The following BRCA1 variants were observed in gnomAD, a reference collection of about 807,000 sequenced individuals.
The protein encoded by BRCA1 is breast cancer type 1 susceptibility protein.
A neutral mutation model predicts 173.7 loss-of-function variants in BRCA1; 140 were observed. The observed-to-expected ratio is 0.81, with a 90% confidence interval of 0.70 to 0.93. The LOEUF (loss-of-function observed/expected upper bound fraction) is 0.93. Ranked by LOEUF, BRCA1 falls within the 40% of genes least tolerant of loss-of-function variation. BRCA1 has a pLI of 0.00. For missense variants in BRCA1, 1,983 were observed against 2,172.5 expected (o/e 0.91, Z 1.73); for synonymous variants, 662 against 756.0 (o/e 0.88, Z 2.04).
chr17:43,140,731 C>G (rs1371627281), intron 1 of BRCA1, among the ~76,000 whole-genome samples: 3 of 152,146 alleles, frequency 2.0e-5, no homozygotes, highest in Non-Finnish European at 4.4e-5. Flanking sequence ...CGGCCCTCTC[C>G]CTAGTCTAGG....
intron 1 of BRCA1, among the ~76,000 whole-genome samples, chr17:43,135,560 G>A (rs1481233237): frequency 2.0e-5 from 3 of 152,136 alleles, no homozygotes; most frequent in Non-Finnish European, 4.4e-5. Context: ...CGGGGCTGTA[G>A]CCTTCATCCG....
intron 1 of BRCA1, among the ~76,000 whole-genome samples, chr17:43,130,661 A>G (rs567044141): frequency 1.7e-4 from 26 of 152,278 alleles, no homozygotes; most frequent in Admixed American, 1.4e-3. Context: ...AAGAACTTGC[A>G]TATTCATTTT....
chr17:43,144,804 T>C, intron 1 of BRCA1: 1 of 397,064 alleles, frequency 2.5e-6, no homozygotes, highest in Non-Finnish European at 4.8e-6. Flanking sequence ...GTGGTTCATC[T>C]AAGGTCTGGA....
chr17:43,120,076 G>A (rs1456686802), intron 2 of BRCA1, among the ~76,000 whole-genome samples: 1 of 152,140 alleles, frequency 6.6e-6, no homozygotes, highest in East Asian at 1.9e-4. Flanking sequence ...TTTGCATTTT[G>A]AGCTTCCAAT....
intron 2 of BRCA1, among the ~76,000 whole-genome samples, chr17:43,121,794 C>T (rs1368519151): frequency 1.3e-5 from 2 of 150,094 alleles, no homozygotes; most frequent in Non-Finnish European, 3.0e-5. Context: ...TTAGCATTTT[C>T]ATTCTTACAT....
upstream of BRCA1, among the ~76,000 whole-genome samples, chr17:43,127,213 C>G (rs866516010): frequency 2.0e-5 from 3 of 152,222 alleles, no homozygotes; most frequent in Non-Finnish European, 4.4e-5. Context: ...TGCAGGCGCC[C>G]GGCACAGCCC....
rs543852008 is a variant in BRCA1, at chr17:43,082,145, T to C, written c.4357+259A>G. Reference sequence around the variant, plus strand: ...GCTTCCAATAGAGCAAGAGCTATGTTGTATACCATGTATCTTCCATGGGCT... The same window carrying C: ...GCTTCCAATAGAGCAAGAGCTATGTCGTATACCATGTATCTTCCATGGGCT... On this transcript the variant is annotated intron_variant, in intron 12 of 22. Coordinates refer to ENST00000357654, the MANE Select transcript of BRCA1 (RefSeq NM_007294.4). 2.0e-4 allele frequency among the ~76,000 whole-genome samples: 31 copies of C among 152,344 alleles called. 1 individual carries two copies. In the South Asian group the frequency reaches 6.2e-3, roughly 31 times the overall value.
At chr17:43,068,355 A>T (rs2052240719) in intron 15 of BRCA1, among the ~76,000 whole-genome samples, 1 of 151,990 alleles carries the variant, frequency 6.6e-6, no homozygotes, top group South Asian at 2.1e-4. Flanking sequence ...ACATAAAATT[A>T]CAACTAAGGA....
At chr17:43,165,864 C>G (rs2056263442) in intron 1 of BRCA1, 1 of 151,248 alleles carries the variant, frequency 6.6e-6, no homozygotes, top group Non-Finnish European at 1.5e-5. Context: ...AGTTGAAAAC[C>G]TTTAAAAAAA....
intron 1 of BRCA1, among the ~76,000 whole-genome samples, chr17:43,131,887 G>A (rs1212965660): frequency 1.3e-5 from 2 of 151,950 alleles, no homozygotes; most frequent in African/African-American, 2.4e-5. Flanking sequence ...GGGTTGAAGC[G>A]ATTCTTGTGC....
chr17:43,153,351 G>A (rs995679795), intron 1 of BRCA1, among the ~76,000 whole-genome samples: 1 of 152,210 alleles, frequency 6.6e-6, no homozygotes, highest in Non-Finnish European at 1.5e-5. Context: ...TGTGGCTAGT[G>A]AGCCTTATCT....
rs1175825700 is a variant in BRCA1 at position 43,067,714 on chromosome 17, T to G, written c.4987-19A>C. ...CGAGCATCTGAAATTAAATCAAATA[T>G]TCCATTATCATGAGTTACCTCTAGC... is the stretch of plus-strand genomic sequence containing the variant. On this transcript the variant is annotated intron_variant, in intron 15 of 22. Transcript: ENST00000357654. 1.3e-6 allele frequency: 2 copies of G among 1,589,950 alleles called. No individual in the cohort carries two copies. Among genetic ancestry groups the G allele is most frequent in the East Asian group, 2.2e-5 (1 of 44,762 alleles).
intron 1 of BRCA1, among the ~76,000 whole-genome samples, chr17:43,146,736 G>A: frequency 6.6e-6 from 1 of 152,094 alleles, no homozygotes. Flanking sequence ...CCTGAGGTGG[G>A]CTAGGGTCAC....
In BRCA1 at chr17:43,100,670, A is replaced by ATT. The variant is rs1282418665; in HGVS notation, c.442-791_442-790insAA. On this transcript the variant is annotated intron_variant, in intron 6 of 22. Transcript: ENST00000357654. Reference sequence around the variant, plus strand: ...ACATATATATAACATATATATATATATATATATAATATATATATATATATA... The same window carrying ATT: ...ACATATATATAACATATATATATATATTTATATATAATATATATATATATATA... Among the ~76,000 whole-genome samples, 5 of 29,112 alleles carry ATT rather than the reference A, an allele frequency of 1.7e-4. No homozygotes were observed. The South Asian group carries it at 9.6e-3, about 56-fold the overall frequency. The allele number at this position is 29,112 out of a possible 152,430, so 19.1% of individuals were successfully genotyped here.
chr17:43,116,071 G>A (rs564249425), intron 2 of BRCA1, among the ~76,000 whole-genome samples: 129 of 152,168 alleles, frequency 8.5e-4, no homozygotes, highest in Non-Finnish European at 3.2e-4. Context: ...ATAATAGTTC[G>A]TACGAATTCA....
At chr17:43,124,489 C>G (rs2055773119) in intron 1 of BRCA1, among the ~76,000 whole-genome samples, 1 of 152,142 alleles carries the variant, frequency 6.6e-6, no homozygotes, top group Admixed American at 6.5e-5. Flanking sequence ...CAAACCAACA[C>G]CAATCAAGGC....
Position 43,092,655 on chromosome 17 carries a change from C to T in BRCA1, c.2876G>A (p.Arg959Lys), listed in dbSNP as rs779153035. The T allele has an allele frequency of 1.9e-6, 3 of 1,614,062 alleles. No homozygotes were observed. Among genetic ancestry groups the T allele is most frequent in the South Asian group, 1.1e-5 (1 of 91,074 alleles). The change falls in exon 10 of 23, where the codon AGA becomes AAA. Residue 959 changes from arginine (R) to lysine (K), a missense_variant. By Grantham distance (26) the Arg-to-Lys change is conservative (BLOSUM62 2). Coordinates refer to ENST00000357654, the MANE Select transcript of BRCA1 (RefSeq NM_007294.4). ...AGTAATGAGTCCAGTTTCGTTGCCTCTGAACTGAGATGATAGACAAAACCT... is the reference window on the plus strand; with the variant it reads ...AGTAATGAGTCCAGTTTCGTTGCCTTTGAACTGAGATGATAGACAAAACCT... ...GSRFCLSSQF[R>K]GNETGLITPN...
chr17:43,070,055 T>C (rs1597829282), intron 15 of BRCA1, among the ~76,000 whole-genome samples: 1 of 152,104 alleles, frequency 6.6e-6, no homozygotes, highest in Admixed American at 6.6e-5. Context: ...TGCCTCAGCC[T>C]CCTGAGTAGC....
At chr17:43,090,049 GAAA>G (rs747918612) in intron 11 of BRCA1, among the ~76,000 whole-genome samples, 2 of 125,140 alleles carry the variant, frequency 1.6e-5, no homozygotes, top group African/African-American at 5.6e-5. Flanking sequence ...TTTTAAAAGG[GAAA>G]AAAAAAAAGA....
Sources: gnomAD v4.1 joint callset for allele counts (sites outside exome capture counted in the v4.1 genomes callset) on GRCh38, gnomAD v4.1.1 for gene constraint, MANE v1.5 for transcripts, NCBI Gene and HGNC (gene_info 2026-07-23, HGNC 2026-07-21) for gene names.